The following CR1L variants were observed in gnomAD, a reference collection of about 807,000 sequenced individuals.
CR1L encodes complement component receptor 1-like protein.
In CR1L, 59 loss-of-function variants were observed where a neutral mutation model predicts 62.3. The observed-to-expected ratio is 0.95, with a 90% CI of 0.77 to 1.18. The LOEUF (loss-of-function observed/expected upper bound fraction) is 1.18. CR1L is among the 50% of genes most tolerant of loss of function. The pLI, the probability that CR1L is intolerant of heterozygous loss-of-function variation, is 0.00. For synonymous variants in CR1L, 279 were observed against 248.7 expected (o/e 1.12, Z -1.15); for missense variants, 700 against 702.8 (o/e 1.00, Z 0.04).
chr1:207,700,317 T>C (rs1179360570), intron 8 of CR1L, among the ~76,000 whole-genome samples: 3 of 152,250 alleles, frequency 2.0e-5, no homozygotes, highest in East Asian at 1.9e-4. Context: ...TGAGGCAGCA[T>C]GACAAATGTC....
intron 1 of CR1L, among the ~76,000 whole-genome samples, chr1:207,655,690 G>A (rs1234933354): frequency 6.6e-6 from 1 of 152,020 alleles, no homozygotes; most frequent in Non-Finnish European, 1.5e-5. Context: ...TGCCCCCGTG[G>A]GCCTCCCAAA....
In CR1L at chr1:207,699,238, G is replaced by T. The variant is rs781205737; in HGVS notation, c.1192G>T (p.Glu398Ter). Reference protein sequence around the residue: ...SASYCVLAGMESLWNSSVPVC... With the variant: ...SASYCVLAGM Reference sequence around the variant, plus strand: ...TAGTTACTGTGTTTTGGCTGGAATGGAAAGCCTTTGGAATAGCAGTGTTCC... The same window carrying T: ...TAGTTACTGTGTTTTGGCTGGAATGTAAAGCCTTTGGAATAGCAGTGTTCC... The change falls in exon 8 of 12, where the codon GAA becomes TAA. Residue 398 changes from glutamate (E) to a stop codon, truncating the protein, a stop_gained. Transcript: ENST00000508064. LOFTEE classifies it high-confidence loss of function. 6.2e-6 allele frequency: 10 copies of T among 1,613,790 alleles called. No homozygotes were observed. The highest frequency in any genetic ancestry group is 3.3e-4 in the Middle Eastern group (2 of 6,060).
chr1:207,662,538 A>T (rs551419738), intron 1 of CR1L, among the ~76,000 whole-genome samples: 44 of 152,204 alleles, frequency 2.9e-4, no homozygotes, highest in Middle Eastern at 3.4e-3. Flanking sequence ...TATTCTAGTT[A>T]GACATTCATC....
intron 3 of CR1L, 90 bp from the exon 4 acceptor site, chr1:207,683,782 C>G (rs997562399): frequency 3.2e-6 from 4 of 1,258,744 alleles, no homozygotes; most frequent in Non-Finnish European, 4.5e-6. Context: ...CCTCTGAATT[C>G]TATAAGAGTG....
chr1:207,718,052 G>T (rs1654046094), intron 11 of CR1L, among the ~76,000 whole-genome samples: 2 of 152,210 alleles, frequency 1.3e-5, no homozygotes, highest in African/African-American at 2.4e-5. Context: ...ATCCTGGAGA[G>T]ATGGATGTGC....
At chr1:207,648,452 GA>G (rs767943552) in intron 1 of CR1L, among the ~76,000 whole-genome samples, 3 of 152,166 alleles carry the variant, frequency 2.0e-5, no homozygotes, top group Non-Finnish European at 4.4e-5. Flanking sequence ...GAGAATACAT[GA>G]ATTAAAATAA....
chr1:207,669,486 GC>G, intron 1 of CR1L: 1 of 1,577,944 alleles, frequency 6.3e-7, no homozygotes, highest in Non-Finnish European at 8.6e-7. Context: ...CTGTTGGGCA[GC>G]CGGCGCCCGG....
At chr1:207,691,929 T>A (rs1366356222) in intron 4 of CR1L, among the ~76,000 whole-genome samples, 1 of 152,260 alleles carries the variant, frequency 6.6e-6, no homozygotes, top group African/African-American at 2.4e-5. Context: ...CAGAGACTCC[T>A]GCCCAGCTGC....
In CR1L at chr1:207,723,623, C is replaced by G; in HGVS notation, c.1648C>G (p.His550Asp). The G allele has an allele frequency of 6.3e-7, 1 of 1,595,766 alleles. No homozygotes were observed. The highest frequency in any genetic ancestry group is 1.1e-5 in the South Asian group (1 of 88,282). The change falls in exon 12 of 12, where the codon CAT (histidine) becomes GAT (aspartate). Residue 550 changes from histidine (H) to aspartate (D), a missense_variant. Physicochemically the swap from His to Asp is moderately conservative, Grantham distance 81 (BLOSUM62 -1). Transcript: ENST00000508064. ...GACTTTTGTCTTCCTTTTAGGTTCA[C>G]ATGATGCTCTTATAGTTGGTAAGTT... ...RCELPVGAGS[H>D]DALIVGKFYE... is the part of the protein sequence containing the mutation.
At chr1:207,707,100 AT>A (rs1215707489) in intron 9 of CR1L, among the ~76,000 whole-genome samples, 1 of 152,248 alleles carries the variant, frequency 6.6e-6, no homozygotes, top group Non-Finnish European at 1.5e-5. Flanking sequence ...ATAAAATTAA[AT>A]TCCTAATTGG....
At chr1:207,672,051 T>C (rs1431648766) in intron 1 of CR1L, among the ~76,000 whole-genome samples, 1 of 151,034 alleles carries the variant, frequency 6.6e-6, no homozygotes, top group Non-Finnish European at 1.5e-5. Context: ...AACCATCATT[T>C]TGAGTGTCAA....
At chr1:207,692,885 A>G (rs1664018382) in intron 4 of CR1L, among the ~76,000 whole-genome samples, 2 of 152,112 alleles carry the variant, frequency 1.3e-5, no homozygotes, top group South Asian at 2.1e-4. Flanking sequence ...CCCGCATATG[A>G]GCTCTTTCTG....
intron 1 of CR1L, among the ~76,000 whole-genome samples, chr1:207,666,267 A>C (rs1432046848): frequency 6.6e-6 from 1 of 152,240 alleles, no homozygotes; most frequent in Non-Finnish European, 1.5e-5. Context: ...GTTTATGGCT[A>C]TAACTGTGTT....
chr1:207,646,315 A>G (rs1663124253), intron 1 of CR1L, among the ~76,000 whole-genome samples: 1 of 152,208 alleles, frequency 6.6e-6, no homozygotes, highest in African/African-American at 2.4e-5. Context: ...TAACAAAGGA[A>G]GGCAGATAAT....
intron 10 of CR1L, among the ~76,000 whole-genome samples, chr1:207,713,753 G>C (rs947303617): frequency 3.3e-5 from 5 of 152,248 alleles, no homozygotes; most frequent in Non-Finnish European, 5.9e-5. Flanking sequence ...GGGTCCCCAC[G>C]ACCCCGAAGC....
intron 1 of CR1L, among the ~76,000 whole-genome samples, chr1:207,647,395 A>G (rs925254249): frequency 8.5e-5 from 13 of 152,202 alleles, no homozygotes; most frequent in African/African-American, 2.7e-4. Context: ...TTACCGCTTC[A>G]GAGACCTTCT....
intron 4 of CR1L, among the ~76,000 whole-genome samples, chr1:207,689,417 C>T (rs1334660341): frequency 1.3e-5 from 2 of 151,854 alleles, no homozygotes; most frequent in African/African-American, 2.4e-5. Context: ...TTTATTGTAA[C>T]GTTGTAACAT....
rs1225847535 is a variant in CR1L, at chr1:207,694,572, A to G, written c.683A>G (p.Asn228Ser). 1 of 1,612,128 alleles carries G rather than the reference A, an allele frequency of 6.2e-7. No individual in the cohort carries two copies. Among genetic ancestry groups the G allele is most frequent in the African/African-American group, 1.3e-5 (1 of 74,892 alleles). Residue 228 changes from asparagine to serine, a missense_variant, in exon 5 of 12, where the codon AAC becomes AGC. Transcript: ENST00000508064. The part of the protein sequence containing the change: ...SGPAPQCIIP[N>S]KCTPPNVENG... ...CCAGCCCCTCAGTGCATTATACCTA[A>G]CAAATGCACGCCTCCAAATGTGGAA...
At chr1:207,694,865 A>C in intron 5 of CR1L, 114 bp downstream of exon 5, 1 of 1,546,148 alleles carries the variant, frequency 6.5e-7, no homozygotes, top group Non-Finnish European at 8.7e-7. Flanking sequence ...TCGAGAAGCA[A>C]ATTTTCTAGG....
Sources: allele counts gnomAD v4.1 joint callset (sites outside exome capture counted in the v4.1 genomes callset), GRCh38; gene constraint gnomAD v4.1.1; transcripts MANE v1.5; gene names NCBI Gene and HGNC (gene_info 2026-07-23, HGNC 2026-07-21).